CACNA2D4: variants seen among roughly 807,000 people sequenced by gnomAD.
The protein encoded by CACNA2D4 is calcium voltage-gated channel auxiliary subunit alpha2delta 4.
CACNA2D4 carries 157 observed loss-of-function variants against 163.8 expected under a neutral mutation model. The observed-to-expected ratio is 0.96, with a 90% CI of 0.84 to 1.09. CACNA2D4 has a LOEUF of 1.09. Ranked by LOEUF, CACNA2D4 falls within the 50% of genes least tolerant of loss-of-function variation. CACNA2D4 has a pLI of 0.00. For synonymous variants in CACNA2D4, 598 were observed against 586.9 expected (o/e 1.02, Z -0.27); for missense variants, 1,410 against 1,479.9 (o/e 0.95, Z 0.78).
At chr12:1,856,144 A>G (rs779790523) in intron 21 of CACNA2D4, 35 bp from the exon 22 acceptor site, 7 of 1,613,846 alleles carry the variant, frequency 4.3e-6, no homozygotes, top group Non-Finnish European at 5.9e-6. Context: ...ATCTCAAAAC[A>G]TTCCACCTGT....
intron 6 of CACNA2D4, among the ~76,000 whole-genome samples, chr12:1,905,537 A>C (rs1866640202): frequency 6.6e-6 from 1 of 152,172 alleles, no homozygotes; most frequent in South Asian, 2.1e-4. Flanking sequence ...CACAAAAATC[A>C]GTTGCATTTC....
chr12:1,914,919 C>G lies in CACNA2D4; in HGVS notation c.244G>C (p.Asp82His). The change falls in exon 2 of 38, where the codon GAC becomes CAC. Residue 82 changes from aspartate to histidine, a missense_variant. Coordinates refer to ENST00000382722, the MANE Select transcript of CACNA2D4 (RefSeq NM_172364.5). ...IPLETVKLWADTFGGDLYNTV... is the reference protein window; with the variant it reads ...IPLETVKLWAHTFGGDLYNTV... ...TTATACAGGTCCCCGCCGAAGGTGT[C>G]AGCCCATAGCTTCACTCTGCCAGGC... 2 of 1,613,302 alleles carry G rather than the reference C, an allele frequency of 1.2e-6. No individual in the cohort carries two copies. The highest frequency in any genetic ancestry group is 1.7e-6 in the Non-Finnish European group (2 of 1,179,298).
rs765645971 is a variant in CACNA2D4 at position 1,918,399 on chromosome 12, G to C, written c.75C>G (p.Leu25=). The C allele has an allele frequency of 1.3e-6, 2 of 1,599,246 alleles. No individual in the cohort carries two copies. The highest frequency in any genetic ancestry group is 1.7e-6 in the Non-Finnish European group (2 of 1,173,392). Residue 25 remains leucine, a synonymous_variant, in exon 1 of 38, where the codon CTC becomes CTG. Transcript: ENST00000382722. The part of the protein sequence containing the change: ...RPTMPATPNF[L]ANPSSSSRWI... ...AGCGGCTGCTGGAGCTGGGGTTTGCGAGGAAGTTGGGAGTTGCAGGCATGG... is the reference window on the plus strand; with the variant it reads ...AGCGGCTGCTGGAGCTGGGGTTTGCCAGGAAGTTGGGAGTTGCAGGCATGG...
At chr12:1,830,239 G>A in intron 26 of CACNA2D4, among the ~76,000 whole-genome samples, 1 of 152,240 alleles carries the variant, frequency 6.6e-6, no homozygotes, top group East Asian at 1.9e-4. Flanking sequence ...ATCTTAGCCT[G>A]TCACTCCCAC....
Position 1,878,902 on chromosome 12 carries a change from G to A in CACNA2D4, c.1644+54C>T. On this transcript the variant is annotated intron_variant, in intron 15 of 37. Transcript: ENST00000382722. The surrounding 1 kb of genome is among the most constrained non-coding windows in gnomAD (Gnocchi z 4.6). ...GAGAGAGGCTCCCATCACGGGGGAGGGAGTTTGCTCCTGGGGAACCTGTGA... is the reference window on the plus strand; with the variant it reads ...GAGAGAGGCTCCCATCACGGGGGAGAGAGTTTGCTCCTGGGGAACCTGTGA... The A allele has an allele frequency of 1.3e-6, 2 of 1,519,592 alleles. No individual in the cohort carries two copies. The highest frequency in any genetic ancestry group is 1.8e-6 in the Non-Finnish European group (2 of 1,100,582). 94.1% of individuals were successfully genotyped at this position (1,519,592 alleles called of 1,614,324 possible). A position where few individuals can be genotyped will look rare whatever the true frequency, so the allele number is the denominator to read the frequency against.
In CACNA2D4 at chr12:1,869,747, TC is replaced by T. The variant is rs1373904572; in HGVS notation, c.1878+4856del. On this transcript the variant is annotated intron_variant, in intron 18 of 37. Transcript: ENST00000382722. This position sits in a 1 kb window ranked among gnomAD's most constrained non-coding sequence, Gnocchi z 4.7. ...ACGATAAAATCCTACATTCTATCAC[TC>T]CCAGGGGCTCTGTTCTTTGACCAAG... Among the ~76,000 whole-genome samples the T allele has an allele frequency of 6.6e-6, 1 of 152,192 alleles. No homozygotes were observed. Among genetic ancestry groups the T allele is most frequent in the African/African-American group, 2.4e-5 (1 of 41,440 alleles).
chr12:1,803,252 A>AGT (rs1863399107), intron 29 of CACNA2D4, among the ~76,000 whole-genome samples: 1 of 152,252 alleles, frequency 6.6e-6, no homozygotes, highest in East Asian at 1.9e-4. Flanking sequence ...TGTATTCCAG[A>AGT]CAAGGGCTAG....
chr12:1,846,759 G>A, intron 23 of CACNA2D4, 70 bp from the exon 24 acceptor site: 2 of 1,269,998 alleles, frequency 1.6e-6, no homozygotes, highest in Non-Finnish European at 2.2e-6. Flanking sequence ...ACCTGCAGGG[G>A]TTTGGGGGCC....
chr12:1,844,165 G>A lies in CACNA2D4; in HGVS notation c.2470+237C>T, dbSNP rs1369419266. ...TTTTTAAACTCCAACTTTGATGGCT[G>A]GCTAGGGAATCAAATGATCAGGCTC... On this transcript the variant is annotated intron_variant, in intron 25 of 37. Coordinates refer to ENST00000382722, the MANE Select transcript of CACNA2D4 (RefSeq NM_172364.5). This position sits in a 1 kb window ranked among gnomAD's most constrained non-coding sequence, Gnocchi z 4.2. 6.6e-6 allele frequency among the ~76,000 whole-genome samples: 1 copy of A among 152,168 alleles called. No homozygotes were observed. Among genetic ancestry groups the A allele is most frequent in the East Asian group, 1.9e-4 (1 of 5,198 alleles).
chr12:1,883,938 C>A lies in CACNA2D4; in HGVS notation c.1351+305G>T, dbSNP rs1208409747. On this transcript the variant is annotated intron_variant, in intron 12 of 37. Transcript: ENST00000382722. This position sits in a 1 kb window ranked among gnomAD's most constrained non-coding sequence, Gnocchi z 4.5. The stretch of plus-strand genomic sequence containing the variant: ...GGTCTGGTCAGAGATAGATGAGGAC[C>A]ATTCACACACAAAACATTATTCCAG... 1 of 416,012 alleles carries A rather than the reference C, an allele frequency of 2.4e-6. No individual in the cohort carries two copies. The highest frequency in any genetic ancestry group is 4.4e-6 in the Non-Finnish European group (1 of 228,848). The allele number at this position is 416,012 out of a possible 1,614,324, so 25.8% of individuals were successfully genotyped here. A position where few individuals can be genotyped will look rare whatever the true frequency, so the allele number is the denominator to read the frequency against.
chr12:1,871,139 GGTGT>G (rs56140005), intron 18 of CACNA2D4, among the ~76,000 whole-genome samples: 3 of 150,524 alleles, frequency 2.0e-5, no homozygotes, highest in African/African-American at 7.3e-5. Context: ...GTGTGTTGCT[GGTGT>G]GTGTGTACAC....
At chr12:1,879,957 G>T in intron 13 of CACNA2D4, 76 bp from the exon 14 acceptor site, 2 of 930,414 alleles carry the variant, frequency 2.1e-6, no homozygotes, top group Middle Eastern at 2.7e-4. Context: ...AGCACCCAGT[G>T]CGGAGAACCC....
rs996705183 is a variant in CACNA2D4, at chr12:1,811,883, T to C, written c.2552-160A>G. ...AGGGCAGAGTGCAAACTGGGGTTTC[T>C]GGGGAGTGGGAGGGGTGGGGGAAGA... On this transcript the variant is annotated intron_variant, in intron 26 of 37. Transcript: ENST00000382722. The C allele has an allele frequency of 7.3e-5, 44 of 600,758 alleles. No homozygotes were observed. The African/African-American group carries it at 7.6e-4, about 10-fold the overall frequency. The allele number at this position is 600,758 out of a possible 1,614,324, so 37.2% of individuals were successfully genotyped here.
intron 6 of CACNA2D4, among the ~76,000 whole-genome samples, chr12:1,897,424 G>A (rs1470840763): frequency 1.3e-5 from 2 of 152,142 alleles, no homozygotes; most frequent in Non-Finnish European, 2.9e-5. Flanking sequence ...TCCAGGTGAT[G>A]GACATCCCCA....
rs1454604032 is a variant in CACNA2D4, at chr12:1,878,222, G to T, written c.1719+93C>A. ...ATTACCCACTGGGTTCCTAAATGGA[G>T]CCCAATGTGTGTTTGTTGTTTTAAT... On this transcript the variant is annotated intron_variant, in intron 16 of 37. Transcript: ENST00000382722. This position sits in a 1 kb window ranked among gnomAD's most constrained non-coding sequence, Gnocchi z 4.6. 1.5e-6 allele frequency: 2 copies of T among 1,374,382 alleles called. No homozygotes were observed. Among genetic ancestry groups the T allele is most frequent in the Non-Finnish European group, 2.0e-6 (2 of 986,084 alleles). 85.1% of individuals were successfully genotyped at this position (1,374,382 alleles called of 1,614,324 possible).
At position 1,813,704 on chromosome 12, in the gene CACNA2D4, G is replaced by T. The variant is rs538043109; in HGVS notation, c.2552-1981C>A. Among the ~76,000 whole-genome samples, 4 of 152,264 alleles carry T rather than the reference G, an allele frequency of 2.6e-5. No individual in the cohort carries two copies. The South Asian group carries it at 8.3e-4, about 32-fold the overall frequency. On this transcript the variant is annotated intron_variant, in intron 26 of 37. Transcript: ENST00000382722. ...GGTGCTCCGGCTGGCTGGCCTTCTTGAACAGGTCCTGTGATATGGGAACAT... is the reference window on the plus strand; with the variant it reads ...GGTGCTCCGGCTGGCTGGCCTTCTTTAACAGGTCCTGTGATATGGGAACAT...
At chr12:1,846,450 A>T (rs1865144818) in intron 24 of CACNA2D4, 144 bp downstream of exon 24, 1 of 649,240 alleles carries the variant, frequency 1.5e-6, no homozygotes, top group African/African-American at 1.8e-5. Flanking sequence ...GTCAATCCCG[A>T]TCCTTCTGCC....
chr12:1,859,029 C>T (rs1258306614), intron 19 of CACNA2D4, among the ~76,000 whole-genome samples: 1 of 152,168 alleles, frequency 6.6e-6, no homozygotes, highest in Non-Finnish European at 1.5e-5. Context: ...CCTGCTGTGC[C>T]TTCCTCTCCT....
At chr12:1,845,917 C>T (rs1865134206) in intron 24 of CACNA2D4, among the ~76,000 whole-genome samples, 2 of 152,194 alleles carry the variant, frequency 1.3e-5, no homozygotes, top group African/African-American at 4.8e-5. Context: ...GTGTGACAAC[C>T]AAAAGTATCT....
Sources: gnomAD v4.1 joint callset for allele counts (sites outside exome capture counted in the v4.1 genomes callset) on GRCh38, gnomAD v4.1.1 for gene constraint, Gnocchi (gnomAD v3.1) non-coding constraint, MANE v1.5 for transcripts, NCBI Gene and HGNC (gene_info 2026-07-23, HGNC 2026-07-21) for gene names.